The following BARD1 variants were observed in gnomAD, a reference collection of about 807,000 sequenced individuals.
BARD1 encodes BRCA1-associated RING domain protein 1.
BARD1 carries 73 observed loss-of-function variants against 77.0 expected under a neutral mutation model. The ratio of observed to expected loss-of-function variants is 0.95; its 90% CI spans 0.79 to 1.15. BARD1 has a LOEUF of 1.15. Among genes scored for constraint, BARD1 ranks in the 50% most tolerant of loss-of-function variants. BARD1 has a pLI of 0.00. For missense variants in BARD1, 993 were observed against 938.8 expected (o/e 1.06, Z -0.75); for synonymous variants, 384 against 338.0 (o/e 1.14, Z -1.49).
rs1004979100 is a variant in BARD1 at position 214,727,370 on chromosome 2, C to T, written c.*1306G>A. 4.3e-5 allele frequency: 10 copies of T among 232,002 alleles called. No individual in the cohort carries two copies. The highest frequency in any genetic ancestry group is 2.2e-4 in the African/African-American group (10 of 45,236). 14.4% of individuals were successfully genotyped at this position (232,002 alleles called of 1,614,324 possible). On this transcript the variant is annotated 3_prime_UTR_variant, in exon 11 of 11. Coordinates refer to ENST00000260947, the MANE Select transcript of BARD1 (RefSeq NM_000465.4). ...TCTATTCTGGTAGTTATCAAACTGTCCTCTTTTGTTCATGAGGAACCAAAC... is the reference window on the plus strand; with the variant it reads ...TCTATTCTGGTAGTTATCAAACTGTTCTCTTTTGTTCATGAGGAACCAAAC...
intron 5 of BARD1, among the ~76,000 whole-genome samples, chr2:214,768,923 T>A (rs1297494605): frequency 6.6e-6 from 1 of 152,184 alleles, no homozygotes; most frequent in Non-Finnish European, 1.5e-5. Flanking sequence ...TCCAGTGACA[T>A]GCAGTGCTAC....
rs1693504040 is a variant in BARD1 at position 214,752,503 on chromosome 2, AT to A, written c.1620del (p.Lys540AsnfsTer20). The A allele has an allele frequency of 1.9e-6, 3 of 1,613,824 alleles. No homozygotes were observed. Among genetic ancestry groups the A allele is most frequent in the Non-Finnish European group, 2.5e-6 (3 of 1,179,818 alleles). On this transcript the variant is annotated frameshift_variant, in exon 7 of 11. Coordinates refer to ENST00000260947, the MANE Select transcript of BARD1 (RefSeq NM_000465.4). LOFTEE classifies it high-confidence loss of function. ...TTCTTCTCTGGTAGCAGCAATAGCG[AT>A]TTCATACTTTCATCATCTGTATAAT... ...PVDYTDDESMKSLLLLPEKNE... is the reference protein window; with the variant it reads ...PVDYTDDESMXSLLLLPEKNE...
intron 6 of BARD1, among the ~76,000 whole-genome samples, chr2:214,755,070 A>G (rs535623281): frequency 3.3e-5 from 5 of 152,332 alleles, no homozygotes; most frequent in Admixed American, 2.0e-4. Flanking sequence ...CTTTAGTTAG[A>G]GAATTAGTGT....
chr2:214,798,739 C>T (rs1695873161), intron 1 of BARD1, among the ~76,000 whole-genome samples: 2 of 149,594 alleles, frequency 1.3e-5, no homozygotes, highest in South Asian at 4.2e-4. Context: ...CTTCCCTGCC[C>T]ACTCAGGCTG....
At chr2:214,758,983 G>T (rs1474354469) in intron 6 of BARD1, among the ~76,000 whole-genome samples, 1 of 152,142 alleles carries the variant, frequency 6.6e-6, no homozygotes, top group African/African-American at 2.4e-5. Flanking sequence ...AGGATACCAA[G>T]AGAGTTCATG....
chr2:214,728,305 A>C lies in BARD1; in HGVS notation c.*371T>G. Reference sequence around the variant, plus strand: ...CTAAAAAAAAAAAAAAAAAAAAGGCAAGTTTTTTCACTGGTGGCAGGTATG... The same window carrying C: ...CTAAAAAAAAAAAAAAAAAAAAGGCCAGTTTTTTCACTGGTGGCAGGTATG... On this transcript the variant is annotated 3_prime_UTR_variant, in exon 11 of 11. Transcript: ENST00000260947. 1 of 235,236 alleles carries C rather than the reference A, an allele frequency of 4.3e-6. No homozygotes were observed. The highest frequency in any genetic ancestry group is 8.3e-6 in the Non-Finnish European group (1 of 120,808). The allele number at this position is 235,236 out of a possible 1,614,324, so 14.6% of individuals were successfully genotyped here.
chr2:214,808,580 G>A (rs1696390289), intron 1 of BARD1, among the ~76,000 whole-genome samples: 1 of 152,188 alleles, frequency 6.6e-6, no homozygotes, highest in Non-Finnish European at 1.5e-5. Flanking sequence ...ATACTTAGCT[G>A]TACACACAGC....
At chr2:214,735,921 T>C (rs1003144137) in intron 9 of BARD1, among the ~76,000 whole-genome samples, 3 of 152,114 alleles carry the variant, frequency 2.0e-5, no homozygotes, top group Non-Finnish European at 4.4e-5. Flanking sequence ...ACGTCTATGA[T>C]TACCCATCAT....
At chr2:214,788,347 T>A (rs1169183354) in intron 3 of BARD1, among the ~76,000 whole-genome samples, 1 of 152,006 alleles carries the variant, frequency 6.6e-6, no homozygotes, top group East Asian at 1.9e-4. Flanking sequence ...GGTAAAATTA[T>A]CCATAAATGG....
chr2:214,754,151 C>T (rs947345903), intron 6 of BARD1, among the ~76,000 whole-genome samples: 1 of 151,740 alleles, frequency 6.6e-6, no homozygotes, highest in South Asian at 2.1e-4. Flanking sequence ...ATATGACAAT[C>T]AAAAAATAGA....
chr2:214,788,439 A>C (rs1340695948), intron 3 of BARD1, among the ~76,000 whole-genome samples: 3 of 152,232 alleles, frequency 2.0e-5, no homozygotes, highest in South Asian at 4.1e-4. Flanking sequence ...AGCTCATTTT[A>C]GAAAGTATTA....
chr2:214,798,526 A>G (rs1695863336), intron 1 of BARD1, among the ~76,000 whole-genome samples: 1 of 151,988 alleles, frequency 6.6e-6, no homozygotes, highest in Non-Finnish European at 1.5e-5. Flanking sequence ...CTTTTATTAC[A>G]TCGCCCTGGC....
chr2:214,803,056 G>A (rs1346431644), intron 1 of BARD1, among the ~76,000 whole-genome samples: 7 of 138,718 alleles, frequency 5.0e-5, no homozygotes, highest in Admixed American at 3.6e-4. Context: ...CATGTGCTGT[G>A]TCAAACTCAG....
intron 6 of BARD1, among the ~76,000 whole-genome samples, chr2:214,752,837 C>T (rs1693523239): frequency 6.6e-6 from 1 of 152,084 alleles, no homozygotes; most frequent in African/African-American, 2.4e-5. Flanking sequence ...GCTTCATAAT[C>T]ACCAATCACT....
chr2:214,775,383 A>G (rs1694692727), intron 4 of BARD1, among the ~76,000 whole-genome samples: 1 of 152,194 alleles, frequency 6.6e-6, no homozygotes, highest in African/African-American at 2.4e-5. Flanking sequence ...AGATGGGAGA[A>G]TTATCAGTAA....
At chr2:214,795,980 C>A (rs6729681) in intron 2 of BARD1, among the ~76,000 whole-genome samples, 18,560 of 152,220 alleles carry the variant, frequency 0.12, 1,341 homozygotes, top group Non-Finnish European at 0.17. Context: ...GGACCCAAAA[C>A]ATAGCTGCCT....
At chr2:214,752,666 CATATT>C in intron 6 of BARD1, 111 bp from the exon 7 acceptor site, 2 of 787,966 alleles carry the variant, frequency 2.5e-6, no homozygotes, top group South Asian at 2.9e-5. Flanking sequence ...ACTCAGAACT[CATATT>C]AGGCAGAAGA....
At chr2:214,763,534 C>T (rs564986223) in intron 6 of BARD1, among the ~76,000 whole-genome samples, 57 of 152,244 alleles carry the variant, frequency 3.7e-4, no homozygotes, top group African/African-American at 1.3e-3. Flanking sequence ...CTAAAGGAGG[C>T]CACTTAGAAA....
intron 3 of BARD1, 146 bp downstream of exon 3, chr2:214,792,151 A>T (rs1322489453): frequency 3.0e-4 from 59 of 196,458 alleles, no homozygotes; most frequent in South Asian, 7.1e-4. Context: ...ATGGCTATTT[A>T]AAAAAAAAAA....
Sources: gnomAD v4.1 joint callset for allele counts (sites outside exome capture counted in the v4.1 genomes callset) on GRCh38, gnomAD v4.1.1 for gene constraint, MANE v1.5 for transcripts, NCBI Gene and HGNC (gene_info 2026-07-23, HGNC 2026-07-21) for gene names.